Variants in IQCJ observed in about 807,000 individuals in gnomAD.
The protein encoded by IQCJ is IQ domain-containing protein J.
IQCJ carries 9 observed loss-of-function variants against 11.0 expected under a neutral mutation model. That is an observed-to-expected ratio of 0.82 (90% CI 0.49 to 1.43). The LOEUF is 1.43. Among genes scored for constraint, IQCJ ranks in the 40% most tolerant of loss-of-function variants. IQCJ has a pLI of 0.00. For missense variants in IQCJ, 146 were observed against 133.2 expected, an observed-to-expected ratio of 1.10 and a Z score of -0.47; for synonymous variants, 55 against 51.3, an observed-to-expected ratio of 1.07 and a Z score of -0.31.
At chr3:159,115,221 T>C (rs1718899562) in intron 1 of IQCJ, among the ~76,000 whole-genome samples, 1 of 152,312 alleles carries the variant, frequency 6.6e-6, no homozygotes, top group African/African-American at 2.4e-5. Flanking sequence ...TGTGAAGGAA[T>C]AGAGACAGGC....
intron 1 of IQCJ, among the ~76,000 whole-genome samples, chr3:159,160,906 C>T (rs1433467015): frequency 2.0e-5 from 3 of 152,080 alleles, no homozygotes; most frequent in Non-Finnish European, 2.9e-5. Context: ...GTATATATGC[C>T]ACACTTTCTT....
At chr3:159,088,436 C>T (rs954556771) in intron 1 of IQCJ, among the ~76,000 whole-genome samples, 85 of 152,190 alleles carry the variant, frequency 5.6e-4, no homozygotes, top group African/African-American at 1.3e-3. Context: ...CTATTAGGTC[C>T]ACTTGGTGCA....
At chr3:159,131,363 C>T (rs555711446) in intron 1 of IQCJ, among the ~76,000 whole-genome samples, 2 of 151,924 alleles carry the variant, frequency 1.3e-5, no homozygotes, top group East Asian at 3.9e-4. Context: ...GCTCTGGGTG[C>T]CTGATCCCTC....
chr3:159,218,484 T>C (rs754775715), intron 1 of IQCJ, among the ~76,000 whole-genome samples: 46 of 152,170 alleles, frequency 3.0e-4, no homozygotes, highest in Non-Finnish European at 5.4e-4. Flanking sequence ...AATGTAAAAA[T>C]ACTACAATAC....
chr3:159,219,240 C>T (rs1725402680), intron 1 of IQCJ, among the ~76,000 whole-genome samples: 1 of 152,078 alleles, frequency 6.6e-6, no homozygotes, highest in Admixed American at 6.6e-5. Context: ...CTCCCCCATA[C>T]ATTCTGTCTG....
intron 1 of IQCJ, among the ~76,000 whole-genome samples, chr3:159,188,424 AAAC>A (rs1367929028): frequency 1.3e-5 from 2 of 151,134 alleles, no homozygotes; most frequent in Admixed American, 6.5e-5. Context: ...ACAAAAACAA[AAAC>A]AACAACAAAA....
At chr3:159,117,223 A>G (rs1409071869) in intron 1 of IQCJ, among the ~76,000 whole-genome samples, 10 of 152,114 alleles carry the variant, frequency 6.6e-5, no homozygotes, top group Admixed American at 6.5e-4. Flanking sequence ...CCAAACCTAC[A>G]GATTGTTGAA....
At chr3:159,124,095 A>G (rs962022955) in intron 1 of IQCJ, among the ~76,000 whole-genome samples, 4 of 152,064 alleles carry the variant, frequency 2.6e-5, no homozygotes, top group African/African-American at 7.2e-5. Flanking sequence ...TAATCACTCC[A>G]AGGCAGAAAA....
intron 1 of IQCJ, among the ~76,000 whole-genome samples, chr3:159,237,526 G>A (rs1423137225): frequency 6.6e-6 from 1 of 152,156 alleles, no homozygotes; most frequent in Non-Finnish European, 1.5e-5. Context: ...ACAGTGGGAA[G>A]CCTGGGAAGT....
At chr3:159,246,629 T>C (rs1447355019) in intron 2 of IQCJ, among the ~76,000 whole-genome samples, 3 of 152,184 alleles carry the variant, frequency 2.0e-5, no homozygotes, top group Admixed American at 6.5e-5. Context: ...TGCTTGGCTC[T>C]GGACACCACG....
At chr3:159,114,604 A>G (rs1327228878) in intron 1 of IQCJ, among the ~76,000 whole-genome samples, 1 of 152,020 alleles carries the variant, frequency 6.6e-6, no homozygotes, top group African/African-American at 2.4e-5. Context: ...GAGCCACTGC[A>G]CCCAGCCCTA....
At chr3:159,121,327 G>A (rs1283613873) in intron 1 of IQCJ, among the ~76,000 whole-genome samples, 1 of 151,902 alleles carries the variant, frequency 6.6e-6, no homozygotes, top group Non-Finnish European at 1.5e-5. Context: ...TAGAGACTGG[G>A]TCTTGCCATG....
At chr3:159,150,345 C>G (rs1036126096) in intron 1 of IQCJ, among the ~76,000 whole-genome samples, 1 of 152,080 alleles carries the variant, frequency 6.6e-6, no homozygotes, top group Non-Finnish European at 1.5e-5. Context: ...GTTAGGCCAT[C>G]CAGGGAGGAG....
chr3:159,196,937 C>T (rs1445060838), intron 1 of IQCJ, among the ~76,000 whole-genome samples: 1 of 152,046 alleles, frequency 6.6e-6, no homozygotes, highest in Non-Finnish European at 1.5e-5. Flanking sequence ...AAACTAAACT[C>T]CTAATTTCCC....
chr3:159,146,337 G>A (rs773941474), intron 1 of IQCJ, among the ~76,000 whole-genome samples: 16 of 152,168 alleles, frequency 1.1e-4, no homozygotes, highest in Non-Finnish European at 1.9e-4. Flanking sequence ...AAAGGAGGCA[G>A]TGTAAATACA....
intron 1 of IQCJ, among the ~76,000 whole-genome samples, chr3:159,177,508 C>G (rs1722860546): frequency 6.6e-6 from 1 of 152,136 alleles, no homozygotes; most frequent in African/African-American, 2.4e-5. Context: ...ATATATTTAT[C>G]ACATGACCCA....
At chr3:159,244,816 G>A (rs554357788) in intron 1 of IQCJ, among the ~76,000 whole-genome samples, 43 of 152,242 alleles carry the variant, frequency 2.8e-4, no homozygotes, top group African/African-American at 9.6e-4. Context: ...AGTCCTGATG[G>A]TCTTTTGGAT....
intron 2 of IQCJ, among the ~76,000 whole-genome samples, chr3:159,249,384 G>T (rs1351039334): frequency 6.6e-6 from 1 of 152,098 alleles, no homozygotes; most frequent in Non-Finnish European, 1.5e-5. Flanking sequence ...GAAATGACCA[G>T]TTTGTTTTGT....
intron 1 of IQCJ, among the ~76,000 whole-genome samples, chr3:159,092,731 C>CACACACACACACA (rs1553775245): frequency 1.3e-4 from 20 of 150,354 alleles, no homozygotes; most frequent in East Asian, 5.9e-4. Context: ...CACACACACA[C>CACACACACACACA]CATTTAGAAA....
Sources: gnomAD v4.1 joint callset for allele counts (sites outside exome capture counted in the v4.1 genomes callset) on GRCh38, gnomAD v4.1.1 for gene constraint, MANE v1.5 for transcripts, NCBI Gene and HGNC (gene_info 2026-07-23, HGNC 2026-07-21) for gene names.